Variants in GSE1 observed in about 807,000 individuals in gnomAD.
GSE1 encodes genetic suppressor element 1.
GSE1 carries 32 observed loss-of-function variants against 112.6 expected under a neutral mutation model. The ratio of observed to expected loss-of-function variants is 0.28; its 90% confidence interval spans 0.21 to 0.38. The LOEUF (loss-of-function observed/expected upper bound fraction) is 0.38, where lower values mean the gene tolerates loss of function less well. GSE1 is among the 10% of genes least tolerant of loss of function. The pLI is 1.00. For synonymous variants in GSE1, 1,115 were observed against 735.6 expected (o/e 1.52, Z -8.35); for missense variants, 2,348 against 1,699.2 (o/e 1.38, Z -6.71).
chr16:85,611,899 G>A (rs1251374531), upstream of GSE1, among the ~76,000 whole-genome samples: 2 of 151,946 alleles, frequency 1.3e-5, no homozygotes. Context: ...GGGCTCGCGG[G>A]GACGGCAGCG....
chr16:85,450,152 G>A (rs1367279292), intron 2 of GSE1, among the ~76,000 whole-genome samples: 4 of 75,828 alleles, frequency 5.3e-5, no homozygotes, highest in East Asian at 8.9e-4. Flanking sequence ...ACGGAATTTC[G>A]CTCTTGTCGC....
At chr16:85,648,954 CCA>C (rs2051108778) in intron 3 of GSE1, among the ~76,000 whole-genome samples, 1 of 152,108 alleles carries the variant, frequency 6.6e-6, no homozygotes, top group South Asian at 2.1e-4. Context: ...GTACATCGGC[CCA>C]CGCATCAGTC....
chr16:85,219,195 G>A (rs1380147857), intron 1 of GSE1, among the ~76,000 whole-genome samples: 1 of 151,658 alleles, frequency 6.6e-6, no homozygotes, highest in Non-Finnish European at 1.5e-5. Flanking sequence ...TGTATTTTTA[G>A]TAGACACAGG....
At chr16:85,218,596 G>A (rs1597825284) in intron 1 of GSE1, among the ~76,000 whole-genome samples, 1 of 152,166 alleles carries the variant, frequency 6.6e-6, no homozygotes, top group Non-Finnish European at 1.5e-5. Context: ...CTCCCAAACT[G>A]CTTTCTGCCT....
intron 1 of GSE1, among the ~76,000 whole-genome samples, chr16:85,191,793 C>T (rs564587761): frequency 1.1e-4 from 16 of 152,106 alleles, no homozygotes; most frequent in Non-Finnish European, 2.4e-4. Context: ...TGATGCAACA[C>T]GTATGGGAGG....
In GSE1 at chr16:85,663,400, G is replaced by C. The variant is rs770965242; in HGVS notation, c.2430G>C (p.Leu810Phe). ...CCACCCAACAGCAGAAGGAGGAATT[G>C]GTGGCCCAGAAGCGGAGGAAGCGGC... ...GLTTQQQKEELVAQKRRKRRR... is the reference protein window; with the variant it reads ...GLTTQQQKEEFVAQKRRKRRR... The change falls in exon 11 of 16, where the codon TTG becomes TTC. Residue 810 changes from leucine to phenylalanine, a missense_variant. Physicochemically the swap from Leu to Phe is conservative, Grantham distance 22. Coordinates refer to ENST00000253458, the MANE Select transcript of GSE1 (RefSeq NM_014615.5). The C allele has an allele frequency of 1.2e-5, 20 of 1,613,832 alleles. No homozygotes were observed. The South Asian group carries it at 2.1e-4, about 17-fold the overall frequency.
chr16:85,660,829 A>G (rs192613115), intron 8 of GSE1, among the ~76,000 whole-genome samples: 93 of 152,010 alleles, frequency 6.1e-4, no homozygotes, highest in Admixed American at 1.3e-3. Flanking sequence ...ATGGGGTTTC[A>G]CCATGTTGGC....
At chr16:85,171,518 G>A (rs2074358463) in exon 1 of GSE1, 7 of 985,614 alleles carry the variant, frequency 7.1e-6, no homozygotes, top group Non-Finnish European at 8.4e-6. Flanking sequence ...GAGGCCCGCA[G>A]CTCCCACCAC....
At chr16:85,483,755 C>G (rs1179766671) in intron 2 of GSE1, among the ~76,000 whole-genome samples, 1 of 152,260 alleles carries the variant, frequency 6.6e-6, no homozygotes, top group Non-Finnish European at 1.5e-5. Context: ...GCAGCAGGCT[C>G]GGTGCTTGCC....
rs766864940 is a variant in GSE1 at position 85,671,188 on chromosome 16, A to G, written c.3519+90A>G. 2.0e-5 allele frequency: 15 copies of G among 756,984 alleles called. No homozygotes were observed. Among genetic ancestry groups the G allele is most frequent in the Non-Finnish European group, 3.4e-5 (15 of 437,618 alleles). 46.9% of individuals were successfully genotyped at this position (756,984 alleles called of 1,614,324 possible). ...CATGCAGATAAGTTTCAGAGAGGAA[A>G]TGTGCTCTTAAGAGATCAAAATTTG... On this transcript the variant is annotated intron_variant, in intron 15 of 15. Coordinates refer to ENST00000253458, the MANE Select transcript of GSE1 (RefSeq NM_014615.5).
At chr16:85,547,378 C>A (rs964458524) in intron 2 of GSE1, among the ~76,000 whole-genome samples, 29 of 152,212 alleles carry the variant, frequency 1.9e-4, no homozygotes, top group African/African-American at 6.5e-4. Context: ...CCTGCCTCTT[C>A]CAGCACCCGG....
upstream of GSE1, chr16:85,555,669 CCCG>C: frequency 2.5e-6 from 2 of 810,208 alleles, no homozygotes; most frequent in Non-Finnish European, 3.0e-6. Flanking sequence ...GATACCCCCT[CCCG>C]CCGCCCCCCC....
At chr16:85,202,067 C>A (rs2075038511) in intron 1 of GSE1, among the ~76,000 whole-genome samples, 1 of 152,160 alleles carries the variant, frequency 6.6e-6, no homozygotes, top group South Asian at 2.1e-4. Context: ...TGGTGGCGGG[C>A]CTTAGCTGAG....
At chr16:85,519,506 CCGGT>C (rs1375248173) in intron 2 of GSE1, among the ~76,000 whole-genome samples, 1 of 9,546 alleles carries the variant, frequency 1.0e-4, no homozygotes, top group Non-Finnish European at 2.1e-4. Context: ...ATCACCATCA[CCGGT>C]CTCCATCATC....
At chr16:85,602,621 G>C (rs2151488247) in intron 1 of GSE1, among the ~76,000 whole-genome samples, 1 of 152,296 alleles carries the variant, frequency 6.6e-6, no homozygotes, top group South Asian at 2.1e-4. Flanking sequence ...CTGGGTGGTG[G>C]CCTTGGTGGG....
chr16:85,395,094 G>A (rs543326994), intron 2 of GSE1, among the ~76,000 whole-genome samples: 2 of 152,326 alleles, frequency 1.3e-5, no homozygotes, highest in South Asian at 4.1e-4. Flanking sequence ...AGCATAGGGA[G>A]GTTGTAGGCT....
intron 1 of GSE1, among the ~76,000 whole-genome samples, chr16:85,182,875 C>T (rs1023055734): frequency 3.3e-5 from 5 of 152,108 alleles, no homozygotes; most frequent in African/African-American, 4.8e-5. Context: ...GACCCACACA[C>T]CCCAGCACAC....
intron 1 of GSE1, among the ~76,000 whole-genome samples, chr16:85,207,525 C>G (rs2075140384): frequency 6.6e-6 from 1 of 151,400 alleles, no homozygotes; most frequent in South Asian, 2.1e-4. Context: ...GAGGGTCATT[C>G]AGAGGCCCCT....
At chr16:85,643,566 C>T (rs1435687570) in intron 2 of GSE1, among the ~76,000 whole-genome samples, 1 of 152,168 alleles carries the variant, frequency 6.6e-6, no homozygotes, top group African/African-American at 2.4e-5. Flanking sequence ...GTGGCAGCTG[C>T]CTTGGTCATG....
Sources: allele counts gnomAD v4.1 joint callset (sites outside exome capture counted in the v4.1 genomes callset), GRCh38; gene constraint gnomAD v4.1.1; transcripts MANE v1.5; gene names NCBI Gene and HGNC (gene_info 2026-07-23, HGNC 2026-07-21).